The following LRRC4C variants were observed in gnomAD, a reference collection of about 807,000 sequenced individuals.
The protein encoded by LRRC4C is leucine-rich repeat-containing protein 4C.
Under a neutral mutation model 33.6 loss-of-function variants are expected in LRRC4C, and 5 were observed. The ratio of observed to expected loss-of-function variants is 0.15; its 90% confidence interval spans 0.08 to 0.31. The LOEUF is 0.31. Among genes scored for constraint, LRRC4C ranks in the 10% least tolerant of loss-of-function variants. The pLI is 1.00. For synonymous variants in LRRC4C, 329 were observed against 302.0 expected, an observed-to-expected ratio of 1.09 and a Z score of -0.93; for missense variants, 560 against 796.7, an observed-to-expected ratio of 0.70 and a Z score of 3.58.
At chr11:40,415,108 A>G (rs1220777271) in intron 3 of LRRC4C, among the ~76,000 whole-genome samples, 1 of 152,164 alleles carries the variant, frequency 6.6e-6, no homozygotes. Flanking sequence ...GTGAATGAGA[A>G]GTATAAAATC....
intron 3 of LRRC4C, among the ~76,000 whole-genome samples, chr11:40,411,263 A>G (rs1950146407): frequency 6.6e-6 from 1 of 152,134 alleles, no homozygotes; most frequent in African/African-American, 2.4e-5. Flanking sequence ...GCAAAGTCAC[A>G]TATGCTTACT....
At chr11:40,476,033 A>C (rs1415320624) in intron 3 of LRRC4C, among the ~76,000 whole-genome samples, 1 of 152,176 alleles carries the variant, frequency 6.6e-6, no homozygotes, top group African/African-American at 2.4e-5. Flanking sequence ...AGGTGCCAGT[A>C]ATACCCTCCT....
chr11:40,358,159 GGAGA>G (rs1327417016), intron 3 of LRRC4C, among the ~76,000 whole-genome samples: 3 of 150,594 alleles, frequency 2.0e-5, no homozygotes, highest in South Asian at 4.2e-4. Context: ...CTCCAGCCTG[GGAGA>G]GAGAGAGAGA....
intron 3 of LRRC4C, among the ~76,000 whole-genome samples, chr11:40,500,387 T>C (rs1325438535): frequency 1.3e-5 from 2 of 150,550 alleles, no homozygotes; most frequent in Admixed American, 6.7e-5. Flanking sequence ...ATAAAGAACA[T>C]TTATAATTAT....
At chr11:40,805,415 T>C (rs1177858733) in intron 2 of LRRC4C, among the ~76,000 whole-genome samples, 1 of 152,232 alleles carries the variant, frequency 6.6e-6, no homozygotes, top group Non-Finnish European at 1.5e-5. Context: ...TTTTCAATTG[T>C]GACAGCCATT....
intron 1 of LRRC4C, among the ~76,000 whole-genome samples, chr11:41,226,164 G>C (rs1947524686): frequency 6.6e-6 from 1 of 152,094 alleles, no homozygotes; most frequent in Admixed American, 6.6e-5. Context: ...TTTCCCAAAA[G>C]CCTTGGCCAG....
chr11:40,199,502 G>A (rs57501262), intron 5 of LRRC4C, among the ~76,000 whole-genome samples: 1 of 152,122 alleles, frequency 6.6e-6, no homozygotes, highest in Non-Finnish European at 1.5e-5. Context: ...ACTAGGTTTT[G>A]AGCTAAGACA....
intron 2 of LRRC4C, among the ~76,000 whole-genome samples, chr11:40,794,695 C>T (rs1220389663): frequency 6.6e-6 from 1 of 152,094 alleles, no homozygotes; most frequent in Non-Finnish European, 1.5e-5. Flanking sequence ...TCACCAATTC[C>T]TATGAGTAAT....
At chr11:40,925,017 T>G (rs1957356333) in intron 2 of LRRC4C, among the ~76,000 whole-genome samples, 1 of 152,076 alleles carries the variant, frequency 6.6e-6, no homozygotes, top group Admixed American at 6.6e-5. Flanking sequence ...GGAGCTTGGG[T>G]TCTTTCTTCT....
chr11:41,150,337 T>C (rs1943933936), intron 1 of LRRC4C, among the ~76,000 whole-genome samples: 1 of 152,208 alleles, frequency 6.6e-6, no homozygotes, highest in South Asian at 2.1e-4. Flanking sequence ...AAGTGAAACA[T>C]TCATTTCATT....
At chr11:41,275,765 T>G (rs1171526920) in intron 1 of LRRC4C, among the ~76,000 whole-genome samples, 3 of 152,146 alleles carry the variant, frequency 2.0e-5, no homozygotes, top group Admixed American at 1.3e-4. Context: ...ATTATTGAAA[T>G]CACTACTATC....
intron 2 of LRRC4C, among the ~76,000 whole-genome samples, chr11:40,789,583 A>T (rs1232415422): frequency 6.8e-6 from 1 of 147,946 alleles, no homozygotes; most frequent in Non-Finnish European, 1.5e-5. Flanking sequence ...TATACTTCAG[A>T]TATATTTTTA....
intron 3 of LRRC4C, among the ~76,000 whole-genome samples, chr11:40,464,437 C>T (rs969926353): frequency 6.6e-6 from 1 of 151,852 alleles, no homozygotes; most frequent in African/African-American, 2.4e-5. Flanking sequence ...GCCACTTTCA[C>T]ACACTCCTAT....
At chr11:40,379,359 A>C (rs555153568) in intron 3 of LRRC4C, among the ~76,000 whole-genome samples, 12 of 152,252 alleles carry the variant, frequency 7.9e-5, no homozygotes, top group African/African-American at 2.9e-4. Flanking sequence ...GCTGTTTTAA[A>C]CCCAATTATT....
At chr11:41,022,840 T>C (rs111676181) in intron 1 of LRRC4C, among the ~76,000 whole-genome samples, 6 of 152,078 alleles carry the variant, frequency 3.9e-5, no homozygotes, top group African/African-American at 1.4e-4. Context: ...AAGCTATAAA[T>C]GCCTCAAAAC....
chr11:40,801,332 T>C (rs1442185548), intron 2 of LRRC4C, among the ~76,000 whole-genome samples: 1 of 152,174 alleles, frequency 6.6e-6, no homozygotes, highest in Admixed American at 6.5e-5. Flanking sequence ...CTAACCAATA[T>C]TCAAGGCACA....
chr11:40,383,149 T>C lies in LRRC4C; in HGVS notation c.-269-63428A>G, dbSNP rs1948959698. Reference sequence around the variant, plus strand: ...TGTCATGTGTCTGGCTTATTTCACCTAGCATGATGTTCTTTGGGTCCATTC... The same window carrying C: ...TGTCATGTGTCTGGCTTATTTCACCCAGCATGATGTTCTTTGGGTCCATTC... On this transcript the variant is annotated intron_variant, in intron 3 of 6. Transcript: ENST00000528697. Among the ~76,000 whole-genome samples the C allele has an allele frequency of 2.6e-5, 4 of 152,324 alleles. No individual in the cohort carries two copies. In the South Asian group the frequency reaches 8.3e-4, roughly 32 times the overall value.
At chr11:40,538,402 G>A (rs1212846302) in intron 3 of LRRC4C, among the ~76,000 whole-genome samples, 5 of 152,046 alleles carry the variant, frequency 3.3e-5, no homozygotes, top group South Asian at 2.1e-4. Context: ...CTGTCATTGC[G>A]ATAGTTTGCT....
chr11:40,591,256 C>T (rs1343085083), intron 3 of LRRC4C, among the ~76,000 whole-genome samples: 1 of 152,170 alleles, frequency 6.6e-6, no homozygotes, highest in Non-Finnish European at 1.5e-5. Context: ...TGCCATCCGT[C>T]ACCCCTTTCT....
Sources: gnomAD v4.1 joint callset for allele counts (sites outside exome capture counted in the v4.1 genomes callset) on GRCh38, gnomAD v4.1.1 for gene constraint, MANE v1.5 for transcripts, NCBI Gene and HGNC (gene_info 2026-07-23, HGNC 2026-07-21) for gene names.